SLC35B3: variants seen among roughly 807,000 people sequenced by gnomAD.
SLC35B3 encodes the protein solute carrier family 35 member B3.
A neutral mutation model predicts 44.1 loss-of-function variants in SLC35B3; 35 were observed. That is an observed-to-expected ratio of 0.79 (90% CI 0.61 to 1.05). The LOEUF (loss-of-function observed/expected upper bound fraction) is 1.05. Among genes scored for constraint, SLC35B3 ranks in the 50% least tolerant of loss-of-function variants. SLC35B3 has a pLI of 0.00. For synonymous variants in SLC35B3, 146 were observed against 167.3 expected (o/e 0.87, Z 0.98); for missense variants, 414 against 476.4 (o/e 0.87, Z 1.22).
chr6:8,417,111 C>T, intron 8 of SLC35B3, 116 bp from the exon 8 acceptor site: 1 of 598,488 alleles, frequency 1.7e-6, no homozygotes, highest in Non-Finnish European at 2.9e-6. Context: ...TTTGACAATG[C>T]AGTCAAGCAA....
At chr6:8,417,544 G>A (rs1255605214) in intron 7 of SLC35B3, 50 bp from the exon 7 acceptor site, 1 of 1,075,860 alleles carries the variant, frequency 9.3e-7, no homozygotes, top group South Asian at 1.5e-5. Flanking sequence ...AACTGAAAAT[G>A]GAAGATTAAG....
Position 8,423,179 on chromosome 6 carries a change from G to A in SLC35B3, c.420-555C>T, listed in dbSNP as rs187428238. Among the ~76,000 whole-genome samples the A allele has an allele frequency of 9.9e-5, 15 of 152,206 alleles. No homozygotes were observed. In the South Asian group the frequency reaches 1.4e-3, roughly 15 times the overall value. On this transcript the variant is annotated intron_variant, in intron 4 of 10. Coordinates refer to ENST00000644923, the MANE Select transcript of SLC35B3 (RefSeq NM_001370476.2). ...ATGTTGGCCTCCATAATGGTAAAAG[G>A]TACCTTAACATTTTAAAACTAATTT... is the stretch of plus-strand genomic sequence containing the variant.
intron 5 of SLC35B3, among the ~76,000 whole-genome samples, chr6:8,422,086 C>A (rs1344046552): frequency 6.6e-6 from 1 of 152,128 alleles, no homozygotes; most frequent in African/African-American, 2.4e-5. Context: ...CTCACTGCAA[C>A]CTCTGCCTCC....
rs59964126 is a variant in SLC35B3, at chr6:8,434,425, C to T, written c.-38G>A. 5.9e-3 allele frequency: 9,516 copies of T among 1,611,878 alleles called. 504 individuals carry two copies. The African/African-American group carries it at 0.11, about 19-fold the overall frequency. ...TGATTAACTGCGCTCCGGAATCAAT[C>T]ATGGCCTATGGTGTACGATTATAAA... On this transcript the variant is annotated 5_prime_UTR_variant, in exon 2 of 11. Transcript: ENST00000644923. This position sits in a 1 kb window ranked among gnomAD's most constrained non-coding sequence, Gnocchi z 6.3.
Position 8,435,205 on chromosome 6 carries a change from T to C in SLC35B3, c.-44+138A>G. 7.8e-7 allele frequency: 1 copy of C among 1,289,022 alleles called. No homozygotes were observed. The highest frequency in any genetic ancestry group is 1.2e-5 in the South Asian group (1 of 81,002). 79.8% of individuals were successfully genotyped at this position (1,289,022 alleles called of 1,614,324 possible). On this transcript the variant is annotated intron_variant, in intron 1 of 10. Transcript: ENST00000644923. The surrounding 1 kb of genome is among the most constrained non-coding windows in gnomAD (Gnocchi z 5.5). ...GTTTCCGCTCTTTCAAAAAAGGGAA[T>C]CACCCGTTTCTTCCATCCCGACCTC... is the stretch of plus-strand genomic sequence containing the variant.
At chr6:8,426,857 G>A (rs1763462759) in intron 4 of SLC35B3, among the ~76,000 whole-genome samples, 1 of 152,126 alleles carries the variant, frequency 6.6e-6, no homozygotes, top group African/African-American at 2.4e-5. Context: ...TTGTTGAATG[G>A]CTTTGGCAAA....
rs911271743 is a variant in SLC35B3, at chr6:8,432,847, T to C, written c.3+1538A>G. Among the ~76,000 whole-genome samples, 1 of 152,136 alleles carries C rather than the reference T, an allele frequency of 6.6e-6. No homozygotes were observed. The highest frequency in any genetic ancestry group is 1.5e-5 in the Non-Finnish European group (1 of 68,024). Reference sequence around the variant, plus strand: ...TGCAGCTGGAAATACAGACCTGAATTTCCAACGCTGCCTTCTCTCCTGAGA... The same window carrying C: ...TGCAGCTGGAAATACAGACCTGAATCTCCAACGCTGCCTTCTCTCCTGAGA... On this transcript the variant is annotated intron_variant, in intron 2 of 10. Coordinates refer to ENST00000644923, the MANE Select transcript of SLC35B3 (RefSeq NM_001370476.2). The surrounding 1 kb of genome is among the most constrained non-coding windows in gnomAD (Gnocchi z 4.8).
In SLC35B3 at chr6:8,428,068, G is replaced by T; in HGVS notation, c.298-10C>A. ...CTGAAAATATTAATTCCTGTCAAAA[G>T]ACACATGAACACTGTTAAGTCCAAG... On this transcript the variant is annotated splice_polypyrimidine_tract_variant and intron_variant, in intron 3 of 10. Coordinates refer to ENST00000644923, the MANE Select transcript of SLC35B3 (RefSeq NM_001370476.2). The T allele has an allele frequency of 4.4e-6, 7 of 1,580,038 alleles. No homozygotes were observed. The highest frequency in any genetic ancestry group is 1.2e-5 in the South Asian group (1 of 84,810).
At chr6:8,427,831 C>T in intron 4 of SLC35B3, 106 bp downstream of exon 3, 1 of 901,590 alleles carries the variant, frequency 1.1e-6, no homozygotes, top group Admixed American at 2.5e-5. Context: ...AGAGTTCGTG[C>T]CTATCACATG....
In SLC35B3 at chr6:8,414,949, A is replaced by G. The variant is rs1762284409; in HGVS notation, c.1014T>C (p.Ile338=). ...TAGCAAAGAATATAAACGAAAGTAC[A>G]ATGGTCATTGCTTTTCTTCCTGTTG... Residue 338 remains isoleucine (I), a synonymous_variant, in exon 10 of 11, where the codon ATT becomes ATC. Coordinates refer to ENST00000644923, the MANE Select transcript of SLC35B3 (RefSeq NM_001370476.2). 6.2e-7 allele frequency: 1 copy of G among 1,606,618 alleles called. No homozygotes were observed. Among genetic ancestry groups the G allele is most frequent in the Non-Finnish European group, 8.5e-7 (1 of 1,175,154 alleles).
chr6:8,416,127 C>A (rs566138940), intron 9 of SLC35B3, among the ~76,000 whole-genome samples: 8 of 152,288 alleles, frequency 5.3e-5, no homozygotes, highest in Non-Finnish European at 5.9e-5. Context: ...ATGGAATAAT[C>A]ATAGTGCCTA....
At position 8,420,495 on chromosome 6, in the gene SLC35B3, T is replaced by C. The variant is rs115838274; in HGVS notation, c.682+226A>G. On this transcript the variant is annotated intron_variant, in intron 6 of 10. Coordinates refer to ENST00000644923, the MANE Select transcript of SLC35B3 (RefSeq NM_001370476.2). This position sits in a 1 kb window ranked among gnomAD's most constrained non-coding sequence, Gnocchi z 4.4. ...TAAACAAATCTGAGTCAACACTTCA[T>C]TCCTGAGAAGCATCAAAATGCATGC... 0.016 allele frequency among the ~76,000 whole-genome samples: 2,380 copies of C among 152,320 alleles called. 57 individuals carry two copies. The highest frequency in any genetic ancestry group is 0.055 in the African/African-American group (2,285 of 41,552).
chr6:8,411,885 A>G lies in SLC35B3; in HGVS notation c.*1664T>C, dbSNP rs1054076550. Among the ~76,000 whole-genome samples, 3 of 152,240 alleles carry G rather than the reference A, an allele frequency of 2.0e-5. No homozygotes were observed. Among genetic ancestry groups the G allele is most frequent in the Non-Finnish European group, 4.4e-5 (3 of 68,042 alleles). On this transcript the variant is annotated 3_prime_UTR_variant, in exon 11 of 11. Transcript: ENST00000644923. ...TAACAGTATTTTTAAAAAATACAAT[A>G]GAAGCAATTCTAAAAATCACTGCTA...
Position 8,422,484 on chromosome 6 carries a change from C to A in SLC35B3, c.560G>T (p.Gly187Val). 6.2e-7 allele frequency: 1 copy of A among 1,612,834 alleles called. No homozygotes were observed. The highest frequency in any genetic ancestry group is 1.1e-5 in the South Asian group (1 of 90,966). ...CATTACTATACCTTGAATAAAAACT[C>A]CTCCTAGCATAACAGGAATCAATTT... Residue 187 changes from glycine to valine, a missense_variant, in exon 5 of 11, where the codon GGA (glycine) becomes GTA (valine). By Grantham distance (109) the Gly-to-Val change is moderately radical. Coordinates refer to ENST00000644923, the MANE Select transcript of SLC35B3 (RefSeq NM_001370476.2).
At position 8,433,812 on chromosome 6, in the gene SLC35B3, A is replaced by T. The variant is rs1764217835; in HGVS notation, c.3+573T>A. On this transcript the variant is annotated intron_variant, in intron 2 of 10. Transcript: ENST00000644923. The surrounding 1 kb of genome is among the most constrained non-coding windows in gnomAD (Gnocchi z 4.1). ...TGGTGAGAAAGTGTGACTGATAAAG[A>T]CCTCTGATACCTAATAACTGTGATC... Among the ~76,000 whole-genome samples the T allele has an allele frequency of 6.6e-6, 1 of 151,976 alleles. No individual in the cohort carries two copies. Among genetic ancestry groups the T allele is most frequent in the South Asian group, 2.1e-4 (1 of 4,828 alleles).
In SLC35B3 at chr6:8,423,798, G is replaced by C. The variant is rs567333667; in HGVS notation, c.420-1174C>G. Among the ~76,000 whole-genome samples the C allele has an allele frequency of 5.3e-5, 8 of 152,074 alleles. No individual in the cohort carries two copies. The East Asian group carries it at 1.5e-3, about 29-fold the overall frequency. Reference sequence around the variant, plus strand: ...TTTTTTCTACTTAACTACTAATATAGTAGTTAACCATGAAAATCCACGTGG... The same window carrying C: ...TTTTTTCTACTTAACTACTAATATACTAGTTAACCATGAAAATCCACGTGG... On this transcript the variant is annotated intron_variant, in intron 4 of 10. Coordinates refer to ENST00000644923, the MANE Select transcript of SLC35B3 (RefSeq NM_001370476.2).
At chr6:8,413,898 G>A (rs1182672167) in intron 10 of SLC35B3, among the ~76,000 whole-genome samples, 199 bp from the exon 10 acceptor site, 1 of 152,034 alleles carries the variant, frequency 6.6e-6, no homozygotes, top group Non-Finnish European at 1.5e-5. Flanking sequence ...ATAATGCATT[G>A]AGTAGATATA....
At chr6:8,422,225 G>A (rs1213999071) in intron 5 of SLC35B3, among the ~76,000 whole-genome samples, 1 of 152,040 alleles carries the variant, frequency 6.6e-6, no homozygotes, top group East Asian at 1.9e-4. Context: ...GGCTGGTCTC[G>A]AACTCCTGAC....
At chr6:8,429,744 T>C in intron 3 of SLC35B3, 120 bp downstream of exon 2, 1 of 698,412 alleles carries the variant, frequency 1.4e-6, no homozygotes, top group Non-Finnish European at 2.3e-6. Context: ...ACTAAAAAAT[T>C]CAAATTTATG....
Sources: gnomAD v4.1 joint callset for allele counts (sites outside exome capture counted in the v4.1 genomes callset) on GRCh38, gnomAD v4.1.1 for gene constraint, Gnocchi (gnomAD v3.1) non-coding constraint, MANE v1.5 for transcripts, NCBI Gene and HGNC (gene_info 2026-07-23, HGNC 2026-07-21) for gene names.